Variants in ITGA2B observed in about 807,000 individuals in gnomAD.
ITGA2B encodes integrin alpha-IIb.
A neutral mutation model predicts 142.0 loss-of-function variants in ITGA2B; 91 were observed. The observed-to-expected ratio is 0.64, with a 90% CI of 0.54 to 0.76. The LOEUF is 0.76. Among genes scored for constraint, ITGA2B ranks in the 30% least tolerant of loss-of-function variants. The probability of loss-of-function intolerance (pLI) is 0.00; values close to 1 mark genes in which losing one functional copy is unlikely to be tolerated. For missense variants in ITGA2B, 1,231 were observed against 1,350.8 expected (o/e 0.91, Z 1.39); for synonymous variants, 536 against 567.2 (o/e 0.94, Z 0.78).
rs899328291 is a variant in ITGA2B, at chr17:44,372,195, C to G, written c.*169G>C. The stretch of plus-strand genomic sequence containing the variant: ...CATGCTCAGCATCAGGGCTCAGTCT[C>G]TTTATTAGGCAGCAGGAGGGGGGGT... On this transcript the variant is annotated 3_prime_UTR_variant, in exon 30 of 30. Transcript: ENST00000262407. The G allele has an allele frequency of 1.5e-6, 1 of 680,734 alleles. No individual in the cohort carries two copies. 42.2% of individuals were successfully genotyped at this position (680,734 alleles called of 1,614,324 possible). A position where few individuals can be genotyped will look rare whatever the true frequency, so the allele number is the denominator to read the frequency against.
At chr17:44,386,559 G>T (rs2048651281) in intron 1 of ITGA2B, among the ~76,000 whole-genome samples, 1 of 152,162 alleles carries the variant, frequency 6.6e-6, no homozygotes, top group Non-Finnish European at 1.5e-5. Flanking sequence ...GAAGGTAGCG[G>T]GTACCTCTAA....
chr17:44,384,494 C>A (rs747703719), intron 8 of ITGA2B, 44 bp downstream of exon 8: 1 of 1,613,408 alleles, frequency 6.2e-7, no homozygotes. Context: ...GGCGCTCCTC[C>A]CCGGGCTGGG....
chr17:44,381,846 T>C (rs2048600127), intron 12 of ITGA2B, among the ~76,000 whole-genome samples: 1 of 151,412 alleles, frequency 6.6e-6, no homozygotes, highest in Non-Finnish European at 1.5e-5. Flanking sequence ...CAGGCTGGTG[T>C]CAAACTCCTA....
At chr17:44,387,015 C>T (rs1386940632) in intron 1 of ITGA2B, among the ~76,000 whole-genome samples, 1 of 151,288 alleles carries the variant, frequency 6.6e-6, no homozygotes, top group Non-Finnish European at 1.5e-5. Context: ...AATCCCAGCA[C>T]TTTGGGAGGC....
Position 44,372,284 on chromosome 17 carries a change from G to C in ITGA2B, c.*80C>G. 3 of 1,479,572 alleles carry C rather than the reference G, an allele frequency of 2.0e-6. No homozygotes were observed. Among genetic ancestry groups the C allele is most frequent in the Non-Finnish European group, 2.8e-6 (3 of 1,059,014 alleles). The allele number at this position is 1,479,572 out of a possible 1,614,324, so 91.7% of individuals were successfully genotyped here. Reference sequence around the variant, plus strand: ...CCCAATGGAACAGCTCCAACCCAAAGCTTGGAGGCAACTTGTTGGAGAAGG... The same window carrying C: ...CCCAATGGAACAGCTCCAACCCAAACCTTGGAGGCAACTTGTTGGAGAAGG... On this transcript the variant is annotated 3_prime_UTR_variant, in exon 30 of 30. Transcript: ENST00000262407.
At chr17:44,380,818 C>T (rs1567902545) in intron 13 of ITGA2B, 61 bp downstream of exon 13, 1 of 1,606,730 alleles carries the variant, frequency 6.2e-7, no homozygotes. Flanking sequence ...TCTCTTGGCA[C>T]TTCCAGCGAA....
At chr17:44,377,516 C>T (rs1185301285) in intron 21 of ITGA2B, among the ~76,000 whole-genome samples, 182 bp downstream of exon 21, 1 of 152,138 alleles carries the variant, frequency 6.6e-6, no homozygotes, top group Non-Finnish European at 1.5e-5. Context: ...TCTATTTTAC[C>T]TGGAAGCCCA....
intron 4 of ITGA2B, 85 bp downstream of exon 4, chr17:44,385,466 G>C (rs2143487296): frequency 2.0e-6 from 3 of 1,524,614 alleles, no homozygotes; most frequent in African/African-American, 2.8e-5. Context: ...TCCAAAGCAA[G>C]GGCTGCGGCG....
At position 44,389,576 on chromosome 17, in the gene ITGA2B, G is replaced by C; in HGVS notation, c.-103C>G. On this transcript the variant is annotated 5_prime_UTR_variant, in exon 1 of 30. The change creates a premature stop within an existing upstream ORF in the 5' untranslated region. Coordinates refer to ENST00000262407, the MANE Select transcript of ITGA2B (RefSeq NM_000419.5). ...TTTTCTTATCAAACTGGAACCCCAA[G>C]TAACTTGCTGAGCAACGGGCAGAGC... 1 of 1,294,548 alleles carries C rather than the reference G, an allele frequency of 7.7e-7. No individual in the cohort carries two copies. The highest frequency in any genetic ancestry group is 1.1e-6 in the Non-Finnish European group (1 of 922,318). 80.2% of individuals were successfully genotyped at this position (1,294,548 alleles called of 1,614,324 possible).
intron 1 of ITGA2B, among the ~76,000 whole-genome samples, chr17:44,388,910 C>T (rs1305629943): frequency 6.6e-6 from 1 of 151,006 alleles, no homozygotes; most frequent in Non-Finnish European, 1.5e-5. Flanking sequence ...GGTGATCTGC[C>T]CGCCTCGGCC....
chr17:44,381,300 C>T (rs928348952), intron 12 of ITGA2B, among the ~76,000 whole-genome samples: 23 of 152,056 alleles, frequency 1.5e-4, no homozygotes, highest in African/African-American at 5.3e-4. Flanking sequence ...GAAAATATAT[C>T]CTGAAAATTA....
chr17:44,378,413 G>A lies in ITGA2B; in HGVS notation c.2043C>T (p.Ala681=), dbSNP rs762307741. The part of the protein sequence containing the change: ...EGEGAYEAEL[A]VHLPQGAHYM... ...AGTGGGCGCCCTGGGGCAGGTGCACGGCCAGCTCTGCTTCATAGGCCCCCT... is the reference window on the plus strand; with the variant it reads ...AGTGGGCGCCCTGGGGCAGGTGCACAGCCAGCTCTGCTTCATAGGCCCCCT... The change falls in exon 20 of 30, where the codon GCC becomes GCT. Residue 681 remains alanine (A), a synonymous_variant. Coordinates refer to ENST00000262407, the MANE Select transcript of ITGA2B (RefSeq NM_000419.5). The A allele has an allele frequency of 2.4e-5, 38 of 1,613,332 alleles. No homozygotes were observed. The highest frequency in any genetic ancestry group is 1.7e-4 in the Middle Eastern group (1 of 5,888).
chr17:44,372,631 ATT>A (rs2048507072), intron 29 of ITGA2B, among the ~76,000 whole-genome samples: 1 of 151,760 alleles, frequency 6.6e-6, no homozygotes, highest in Admixed American at 6.6e-5. Flanking sequence ...CTGAGTTTTT[ATT>A]TTTTTCTTTT....
intron 20 of ITGA2B, among the ~76,000 whole-genome samples, 179 bp downstream of exon 20, chr17:44,378,181 TAG>T (rs1333243758): frequency 2.6e-5 from 4 of 152,106 alleles, no homozygotes; most frequent in African/African-American, 9.7e-5. Flanking sequence ...GTTTTTGTAA[TAG>T]AGTTTTGGAA....
chr17:44,373,492 G>A lies in ITGA2B; in HGVS notation c.3060+862C>T, dbSNP rs542470069. Among the ~76,000 whole-genome samples, 5 of 152,280 alleles carry A rather than the reference G, an allele frequency of 3.3e-5. No individual in the cohort carries two copies. The South Asian group carries it at 8.3e-4, about 25-fold the overall frequency. On this transcript the variant is annotated intron_variant, in intron 29 of 29. Transcript: ENST00000262407. ...GCATGACTCGAGCATATGATGATAT[G>A]TATTTGATTATTGTGGGTCTAGTGC...
chr17:44,386,108 G>A lies in ITGA2B; in HGVS notation c.212C>T (p.Pro71Leu). 1 of 1,604,268 alleles carries A rather than the reference G, an allele frequency of 6.2e-7. No individual in the cohort carries two copies. The highest frequency in any genetic ancestry group is 8.5e-7 in the Non-Finnish European group (1 of 1,177,428). The change falls in exon 2 of 30, where the codon CCG becomes CTG. Residue 71 changes from proline to leucine, a missense_variant. Around this residue, in one of 3 missense-constraint regions of ITGA2B, gnomAD observed 318 missense variants for 312.2 expected, o/e 1.02. Transcript: ENST00000262407. ...CTCCTGGCTGGGGCCCAGGGTCCGC[G>A]GGGCGCCCACCACGATGGCCACTCT... ...HGRVAIVVGA[P>L]RTLGPSQEET...
chr17:44,376,017 G>A, intron 24 of ITGA2B, 32 bp from the exon 25 acceptor site: 1 of 1,614,082 alleles, frequency 6.2e-7, no homozygotes, highest in Non-Finnish European at 8.5e-7. Context: ...GGTGTGGGGA[G>A]CTTAGCGCCT....
chr17:44,372,866 C>G (rs56723140), intron 29 of ITGA2B, among the ~76,000 whole-genome samples: 7,130 of 152,118 alleles, frequency 0.047, 550 homozygotes, highest in African/African-American at 0.16. Context: ...GGTGATCTGC[C>G]TGCCTCAGCC....
chr17:44,387,867 A>G (rs148261907), intron 1 of ITGA2B, among the ~76,000 whole-genome samples: 2,026 of 150,946 alleles, frequency 0.013, 33 homozygotes, highest in African/African-American at 0.041. Context: ...AGAAGAAGAA[A>G]AAAAGAATTG....
Sources: gnomAD v4.1 joint callset for allele counts (sites outside exome capture counted in the v4.1 genomes callset) on GRCh38, gnomAD v4.1.1 for gene constraint, gnomAD v4.1.1 regional missense constraint, MANE v1.5 for transcripts, NCBI Gene and HGNC (gene_info 2026-07-23, HGNC 2026-07-21) for gene names.